TPD52L1: variants seen among roughly 807,000 people sequenced by gnomAD.
TPD52L1 encodes TPD52 like 1, also known as tumor protein D53.
Under a neutral mutation model 28.7 loss-of-function variants are expected in TPD52L1, and 18 were observed. That is an observed-to-expected ratio of 0.63 (90% CI 0.43 to 0.93). The LOEUF is 0.93. TPD52L1 is among the 40% of genes least tolerant of loss of function. TPD52L1 has a pLI of 0.00. For synonymous variants in TPD52L1, 75 were observed against 88.8 expected, an observed-to-expected ratio of 0.84 and a Z score of 0.88; for missense variants, 203 against 254.8, an observed-to-expected ratio of 0.80 and a Z score of 1.39.
chr6:125,256,058 G>A (rs1171255021), intron 5 of TPD52L1, among the ~76,000 whole-genome samples: 1 of 152,138 alleles, frequency 6.6e-6, no homozygotes, highest in Non-Finnish European at 1.5e-5. Context: ...CAAATAAAAT[G>A]CCATTAGGGG....
Position 125,263,056 on chromosome 6 carries a change from G to T in TPD52L1, c.*94G>T. 7.1e-7 allele frequency: 1 copy of T among 1,417,782 alleles called. No homozygotes were observed. The allele number at this position is 1,417,782 out of a possible 1,614,324, so 87.8% of individuals were successfully genotyped here. A position where few individuals can be genotyped will look rare whatever the true frequency, so the allele number is the denominator to read the frequency against. ...AGATAAGAAGACCAAAATCCCGCTG[G>T]GAAAAACCCAGGCCTTGACATTGTT... is the stretch of plus-strand genomic sequence containing the variant. On this transcript the variant is annotated 3_prime_UTR_variant, in exon 7 of 7. Coordinates refer to ENST00000534000, the MANE Select transcript of TPD52L1 (RefSeq NM_003287.4).
At chr6:125,238,647 T>A (rs9482614) in intron 3 of TPD52L1, among the ~76,000 whole-genome samples, 23,022 of 152,216 alleles carry the variant, frequency 0.15, 2,140 homozygotes, top group East Asian at 0.31. Flanking sequence ...TCCAACTCCA[T>A]CCAGATTGCT....
intron 3 of TPD52L1, among the ~76,000 whole-genome samples, chr6:125,242,671 T>G (rs1724830429): frequency 6.6e-6 from 1 of 152,126 alleles, no homozygotes; most frequent in Non-Finnish European, 1.5e-5. Flanking sequence ...TACCTTAAGT[T>G]GATGTGATTC....
intron 3 of TPD52L1, among the ~76,000 whole-genome samples, chr6:125,247,483 T>G (rs1796990047): frequency 6.6e-6 from 1 of 152,182 alleles, no homozygotes; most frequent in Non-Finnish European, 1.5e-5. Flanking sequence ...CTGTTGAATC[T>G]GTCCATTCTA....
chr6:125,172,784 C>T (rs540354980), intron 1 of TPD52L1, among the ~76,000 whole-genome samples: 1 of 150,960 alleles, frequency 6.6e-6, no homozygotes, highest in Non-Finnish European at 1.5e-5. Context: ...GGGCTTGACA[C>T]ACAGTAGAGG....
intron 5 of TPD52L1, 50 bp downstream of exon 5, chr6:125,253,805 G>A: frequency 6.6e-7 from 1 of 1,512,664 alleles, no homozygotes; most frequent in Non-Finnish European, 9.2e-7. Context: ...ATGTGTTTAA[G>A]GTGTTATTTT....
intron 1 of TPD52L1, among the ~76,000 whole-genome samples, chr6:125,219,409 C>T (rs933209656): frequency 6.6e-6 from 1 of 152,202 alleles, no homozygotes; most frequent in Non-Finnish European, 1.5e-5. Context: ...TGATTCCTCA[C>T]AGCTCCAACT....
chr6:125,254,967 ATT>A (rs1408936718), intron 5 of TPD52L1, among the ~76,000 whole-genome samples: 7 of 152,200 alleles, frequency 4.6e-5, no homozygotes, highest in African/African-American at 1.4e-4. Context: ...CACCCTCAGT[ATT>A]TAGTTCTCTG....
At chr6:125,247,046 C>G (rs1018713241) in intron 3 of TPD52L1, among the ~76,000 whole-genome samples, 1 of 151,810 alleles carries the variant, frequency 6.6e-6, no homozygotes, top group Non-Finnish European at 1.5e-5. Context: ...TAGGGAAGAC[C>G]AAGGCACATA....
rs1324132195 is a variant in TPD52L1 at position 125,263,033 on chromosome 6, A to T, written c.*71A>T. 6 of 1,488,016 alleles carry T rather than the reference A, an allele frequency of 4.0e-6. No homozygotes were observed. In the African/African-American group the frequency reaches 8.5e-5, roughly 21 times the overall value. The allele number at this position is 1,488,016 out of a possible 1,614,324, so 92.2% of individuals were successfully genotyped here. A position where few individuals can be genotyped will look rare whatever the true frequency, so the allele number is the denominator to read the frequency against. ...CCCATCTCTGCCTGTGCTTATCCAG[A>T]TAAGAAGACCAAAATCCCGCTGGGA... On this transcript the variant is annotated 3_prime_UTR_variant, in exon 7 of 7. Transcript: ENST00000534000.
At chr6:125,214,340 C>A in intron 1 of TPD52L1, 1 of 440,504 alleles carries the variant, frequency 2.3e-6, no homozygotes, top group Non-Finnish European at 3.0e-6. Flanking sequence ...TTCATACTTT[C>A]TGGGCCAATG....
At chr6:125,216,787 G>A (rs1180390961) in intron 1 of TPD52L1, among the ~76,000 whole-genome samples, 4 of 151,824 alleles carry the variant, frequency 2.6e-5, no homozygotes, top group Non-Finnish European at 5.9e-5. Flanking sequence ...GATGAACGTG[G>A]ATCAGCAATA....
chr6:125,193,698 T>G (rs1793212008), intron 1 of TPD52L1, among the ~76,000 whole-genome samples: 1 of 152,186 alleles, frequency 6.6e-6, no homozygotes, highest in South Asian at 2.1e-4. Flanking sequence ...GCATATATTT[T>G]AAAAATATAT....
At chr6:125,188,903 T>C (rs1267732955) in intron 1 of TPD52L1, among the ~76,000 whole-genome samples, 1 of 152,242 alleles carries the variant, frequency 6.6e-6, no homozygotes, top group African/African-American at 2.4e-5. Flanking sequence ...TCAGCTTATG[T>C]GAAAGACCTT....
In TPD52L1 at chr6:125,220,191, C is replaced by A; in HGVS notation, c.133C>A (p.Gln45Lys). ...GGAAGAGTTAAAAGCAGAGTTAGTT[C>A]AGGTATGTTTAGTAATCTTATTGTT... ...EKEELKAELVQLEDEITTLRQ... is the reference protein window; with the variant it reads ...EKEELKAELVKLEDEITTLRQ... Residue 45 changes from glutamine (Q) to lysine (K), a missense_variant and splice_region_variant, in exon 2 of 7, where the codon CAG becomes AAG. By Grantham distance (53) the Gln-to-Lys change is moderately conservative. Coordinates refer to ENST00000534000, the MANE Select transcript of TPD52L1 (RefSeq NM_003287.4). 1.2e-6 allele frequency: 2 copies of A among 1,600,922 alleles called. No individual in the cohort carries two copies. The highest frequency in any genetic ancestry group is 2.2e-5 in the South Asian group (2 of 90,760).
chr6:125,243,349 A>C (rs1462871994), intron 3 of TPD52L1, among the ~76,000 whole-genome samples: 1 of 152,102 alleles, frequency 6.6e-6, no homozygotes, highest in Non-Finnish European at 1.5e-5. Context: ...CATTGTCTAG[A>C]TCTCTGGCAA....
intron 1 of TPD52L1, among the ~76,000 whole-genome samples, chr6:125,191,066 CATT>C (rs1793006186): frequency 6.6e-6 from 1 of 152,196 alleles, no homozygotes; most frequent in African/African-American, 2.4e-5. Context: ...TATCGTGTAA[CATT>C]ATGTGGAATC....
intron 6 of TPD52L1, among the ~76,000 whole-genome samples, chr6:125,258,475 G>C (rs1377708535): frequency 1.1e-4 from 17 of 152,122 alleles, no homozygotes; most frequent in Admixed American, 1.1e-3. Flanking sequence ...CCAGGATTCA[G>C]TTTCTAAACA....
At chr6:125,161,813 T>C (rs531999156) in intron 1 of TPD52L1, among the ~76,000 whole-genome samples, 1 of 152,232 alleles carries the variant, frequency 6.6e-6, no homozygotes, top group Non-Finnish European at 1.5e-5. Context: ...ATGGAAAAGT[T>C]TGAAATATTG....
Sources: gnomAD v4.1 joint callset for allele counts (sites outside exome capture counted in the v4.1 genomes callset) on GRCh38, gnomAD v4.1.1 for gene constraint, MANE v1.5 for transcripts, NCBI Gene and HGNC (gene_info 2026-07-23, HGNC 2026-07-21) for gene names.